The following SLC2A2 variants were observed in gnomAD, a reference collection of about 807,000 sequenced individuals.
SLC2A2 encodes the protein solute carrier family 2 member 2, also known as solute carrier family 2, facilitated glucose transporter member 2.
A neutral mutation model predicts 54.5 loss-of-function variants in SLC2A2; 36 were observed. That is an observed-to-expected ratio of 0.66 (90% confidence interval 0.51 to 0.87). SLC2A2 has a LOEUF of 0.87. Among genes scored for constraint, SLC2A2 ranks in the 40% least tolerant of loss-of-function variants. The pLI is 0.00. For synonymous variants in SLC2A2, 223 were observed against 219.1 expected (o/e 1.02, Z -0.16); for missense variants, 543 against 624.3 (o/e 0.87, Z 1.39).
chr3:170,997,947 C>T lies in SLC2A2; in HGVS notation c.1531G>A (p.Ala511Thr). ...CCTAGGAATTTCATTTCTACAGCAG[C>T]TTTTGGCCTGTGGGCTGAGCCACTC... ...KKSGSAHRPKAAVEMKFLGAT... is the reference protein window; with the variant it reads ...KKSGSAHRPKTAVEMKFLGAT... The change falls in exon 11 of 11, where the codon GCT becomes ACT. Residue 511 changes from alanine to threonine, a missense_variant. Ala to Thr is a moderately conservative substitution (Grantham distance 58). This residue lies in a region of SLC2A2 where 108 missense variants were observed against 101.3 expected (regional missense o/e 1.07). Coordinates refer to ENST00000314251, the MANE Select transcript of SLC2A2 (RefSeq NM_000340.2). 3 of 1,613,508 alleles carry T rather than the reference C, an allele frequency of 1.9e-6. No individual in the cohort carries two copies. Among genetic ancestry groups the T allele is most frequent in the Non-Finnish European group, 2.5e-6 (3 of 1,179,728 alleles).
At chr3:171,025,401 T>G (rs1225343154) in intron 1 of SLC2A2, among the ~76,000 whole-genome samples, 1 of 151,560 alleles carries the variant, frequency 6.6e-6, no homozygotes, top group African/African-American at 2.4e-5. Flanking sequence ...AACATTAAAA[T>G]TGTTGTCTAA....
chr3:171,013,625 G>A (rs1283783159), intron 3 of SLC2A2, among the ~76,000 whole-genome samples: 2 of 152,040 alleles, frequency 1.3e-5, no homozygotes, highest in Non-Finnish European at 2.9e-5. Flanking sequence ...TATTAAACTA[G>A]TTGCCTAAAT....
chr3:171,014,839 G>T, intron 2 of SLC2A2, 108 bp from the exon 3 acceptor site: 1 of 846,444 alleles, frequency 1.2e-6, no homozygotes, highest in Non-Finnish European at 1.9e-6. Context: ...TCAATTATGT[G>T]TTTTATATAC....
rs71176588 is a variant in SLC2A2, at chr3:171,009,912, G to GGT, written c.496+44_496+45dup. 0.13 allele frequency: 170,712 copies of GGT among 1,302,826 alleles called. 1,648 individuals are homozygous for GGT. Among genetic ancestry groups the GGT allele is most frequent in the Non-Finnish European group, 0.13 (132,146 of 979,550 alleles). The allele number at this position is 1,302,826 out of a possible 1,614,324, so 80.7% of individuals were successfully genotyped here. The stretch of plus-strand genomic sequence containing the variant: ...TTAGAGTTACTTTCAGACAAAGGTA[G>GGT]GTGTGTGTGTGTGTGTGTGTGTGTG... On this transcript the variant is annotated intron_variant, in intron 4 of 10. Coordinates refer to ENST00000314251, the MANE Select transcript of SLC2A2 (RefSeq NM_000340.2).
rs1234105767 is a variant in SLC2A2, at chr3:170,997,780, T to C, written c.*123A>G. ...TGGTAATATTTGATGACATTTCTGA[T>C]GAGAGCACATAAAAATAAAACAATA... On this transcript the variant is annotated 3_prime_UTR_variant, in exon 11 of 11. Transcript: ENST00000314251. 4 of 818,192 alleles carry C rather than the reference T, an allele frequency of 4.9e-6. No individual in the cohort carries two copies. Among genetic ancestry groups the C allele is most frequent in the Non-Finnish European group, 8.1e-6 (4 of 491,422 alleles). The allele number at this position is 818,192 out of a possible 1,614,324, so 50.7% of individuals were successfully genotyped here.
In SLC2A2 at chr3:170,998,272, C is replaced by T. The variant is rs75144723; in HGVS notation, c.1295G>A (p.Arg432His). The T allele has an allele frequency of 2.7e-5, 43 of 1,613,798 alleles. No homozygotes were observed. Among genetic ancestry groups the T allele is most frequent in the Admixed American group, 5.0e-5 (3 of 59,926 alleles). ...MVAEFFSQGP[R>H]PAALAIAAFS... is the part of the protein sequence containing the mutation. The stretch of plus-strand genomic sequence containing the variant: ...TGCAGCTATTGCTAAAGCAGCAGGA[C>T]GTGGTCCTTGACTGAAAAACTCAGC... The change falls in exon 10 of 11, where the codon CGT becomes CAT. Residue 432 changes from arginine (R) to histidine (H), a missense_variant. Arg to His is a conservative substitution (Grantham distance 29). Coordinates refer to ENST00000314251, the MANE Select transcript of SLC2A2 (RefSeq NM_000340.2).
At chr3:171,003,115 C>T (rs1440559470) in intron 7 of SLC2A2, among the ~76,000 whole-genome samples, 1 of 152,012 alleles carries the variant, frequency 6.6e-6, no homozygotes, top group African/African-American at 2.4e-5. Context: ...AAGGAAACCA[C>T]TCTTACAACT....
chr3:171,006,209 A>G, intron 5 of SLC2A2, 104 bp from the exon 6 acceptor site: 1 of 1,047,086 alleles, frequency 9.6e-7, no homozygotes, highest in Non-Finnish European at 1.4e-6. Context: ...GTAGTCTCTG[A>G]CAACTTTGGT....
At chr3:171,019,205 A>G (rs1303904380) in intron 1 of SLC2A2, among the ~76,000 whole-genome samples, 1 of 148,750 alleles carries the variant, frequency 6.7e-6, no homozygotes, top group African/African-American at 2.5e-5. Context: ...ATAGCTGCTG[A>G]CGGAAGGGAG....
rs1342979475 is a variant in SLC2A2, at chr3:171,014,616, T to G, written c.224A>C (p.Asn75Thr). 1.2e-6 allele frequency: 2 copies of G among 1,614,168 alleles called. No individual in the cohort carries two copies. The highest frequency in any genetic ancestry group is 2.2e-5 in the South Asian group (2 of 91,078). ...CTCAGCCCAAGGGGTTGGTTTTGGG[T>G]TCATTGAGTATGAGATTGTGGGCAG... is the stretch of plus-strand genomic sequence containing the variant. Reference protein sequence around the residue: ...DELPTISYSMNPKPTPWAEEE... With the variant: ...DELPTISYSMTPKPTPWAEEE... The change falls in exon 3 of 11, where the codon AAC (asparagine) becomes ACC (threonine). Residue 75 changes from asparagine (N) to threonine (T), a missense_variant. This residue lies in a region of SLC2A2 where 318 missense variants were observed against 343.8 expected (regional missense o/e 0.93). Coordinates refer to ENST00000314251, the MANE Select transcript of SLC2A2 (RefSeq NM_000340.2).
intron 1 of SLC2A2, among the ~76,000 whole-genome samples, chr3:171,019,278 T>G (rs1309663274): frequency 6.6e-6 from 1 of 151,366 alleles, no homozygotes; most frequent in Admixed American, 6.6e-5. Context: ...AATAAAGAGA[T>G]GGGGAGCTCT....
chr3:170,996,923 T>C lies in SLC2A2; in HGVS notation c.*980A>G, dbSNP rs1715103324. 5.8e-6 allele frequency: 2 copies of C among 347,814 alleles called. No individual in the cohort carries two copies. The highest frequency in any genetic ancestry group is 4.2e-5 in the African/African-American group (2 of 47,256). The allele number at this position is 347,814 out of a possible 1,614,324, so 21.5% of individuals were successfully genotyped here. A position where few individuals can be genotyped will look rare whatever the true frequency, so the allele number is the denominator to read the frequency against. Reference sequence around the variant, plus strand: ...TCAAACCCTACCTTTTCAACTTATTTTGAGACATAATAATTCAGAAAATAT... The same window carrying C: ...TCAAACCCTACCTTTTCAACTTATTCTGAGACATAATAATTCAGAAAATAT... On this transcript the variant is annotated 3_prime_UTR_variant, in exon 11 of 11. Transcript: ENST00000314251.
intron 1 of SLC2A2, 134 bp downstream of exon 1, chr3:171,026,522 G>A: frequency 1.3e-6 from 1 of 798,152 alleles, no homozygotes; most frequent in South Asian, 1.4e-5. Context: ...TTCTTCAATT[G>A]GCAAAGTAAA....
chr3:171,004,154 G>A (rs745336497), intron 7 of SLC2A2, among the ~76,000 whole-genome samples: 9 of 151,946 alleles, frequency 5.9e-5, no homozygotes, highest in African/African-American at 9.7e-5. Context: ...CCTACAGCAC[G>A]CTTCACACTA....
Position 171,018,486 on chromosome 3 carries a change from C to T in SLC2A2, c.108+45G>A, listed in dbSNP as rs754817588. ...TATGAGGAACATATGATATCTATCA[C>T]TGACAGAACTTGCCAAAAAGAGAAC... On this transcript the variant is annotated intron_variant, in intron 2 of 10. Coordinates refer to ENST00000314251, the MANE Select transcript of SLC2A2 (RefSeq NM_000340.2). 34 of 1,305,102 alleles carry T rather than the reference C, an allele frequency of 2.6e-5. No homozygotes were observed. The East Asian group carries it at 7.6e-4, about 29-fold the overall frequency. 80.8% of individuals were successfully genotyped at this position (1,305,102 alleles called of 1,614,324 possible). A position where few individuals can be genotyped will look rare whatever the true frequency, so the allele number is the denominator to read the frequency against.
At chr3:171,014,850 A>T (rs936347506) in intron 2 of SLC2A2, 119 bp from the exon 3 acceptor site, 1 of 779,844 alleles carries the variant, frequency 1.3e-6, no homozygotes, top group Admixed American at 2.2e-5. Context: ...TTTTATATAC[A>T]TATAAACATG....
At position 170,996,949 on chromosome 3, in the gene SLC2A2, T is replaced by C. The variant is rs943391907; in HGVS notation, c.*954A>G. On this transcript the variant is annotated 3_prime_UTR_variant, in exon 11 of 11. Transcript: ENST00000314251. ...TGAGACATAATAATTCAGAAAATAT[T>C]TTTAACAAAGTGATCAATCCTTTAC... 14 of 296,410 alleles carry C rather than the reference T, an allele frequency of 4.7e-5. No homozygotes were observed. The highest frequency in any genetic ancestry group is 2.0e-4 in the Admixed American group (4 of 19,682). 18.4% of individuals were successfully genotyped at this position (296,410 alleles called of 1,614,324 possible). A position where few individuals can be genotyped will look rare whatever the true frequency, so the allele number is the denominator to read the frequency against.
In SLC2A2 at chr3:171,005,399, T is replaced by C; in HGVS notation, c.849A>G (p.Ala283=). The change falls in exon 7 of 11, where the codon GCA becomes GCG. Residue 283 remains alanine, a synonymous_variant. Transcript: ENST00000314251. ...TTATAGAGACTTTCTGCTCACTCGA[T>C]GCTTCTTCTCTTTCTTTTCTCATTT... ...INEMRKEREE[A]SSEQKVSIIQ... 1 of 1,612,832 alleles carries C rather than the reference T, an allele frequency of 6.2e-7. No homozygotes were observed. The highest frequency in any genetic ancestry group is 8.5e-7 in the Non-Finnish European group (1 of 1,179,198).
intron 1 of SLC2A2, among the ~76,000 whole-genome samples, chr3:171,020,981 CATTTT>C (rs1716437023): frequency 6.6e-6 from 1 of 151,322 alleles, no homozygotes; most frequent in Non-Finnish European, 1.5e-5. Flanking sequence ...GATATATTAA[CATTTT>C]ATGTTTATTA....
Sources: allele counts gnomAD v4.1 joint callset (sites outside exome capture counted in the v4.1 genomes callset), GRCh38; gene constraint gnomAD v4.1.1; regional missense constraint gnomAD v4.1.1; transcripts MANE v1.5; gene names NCBI Gene and HGNC (gene_info 2026-07-23, HGNC 2026-07-21).